Variants in CRISPLD2 observed in about 807,000 individuals in gnomAD.
CRISPLD2 encodes the protein cysteine rich secretory protein LCCL domain containing 2.
CRISPLD2 carries 47 observed loss-of-function variants against 71.1 expected under a neutral mutation model. The observed-to-expected ratio is 0.66, with a 90% CI of 0.52 to 0.84. CRISPLD2 has a LOEUF of 0.84. Ranked by LOEUF, CRISPLD2 falls within the 40% of genes least tolerant of loss-of-function variation. CRISPLD2 has a pLI of 0.00. For missense variants in CRISPLD2, 830 were observed against 651.1 expected (o/e 1.27, Z -2.99); for synonymous variants, 317 against 250.1 (o/e 1.27, Z -2.52).
At chr16:84,903,731 G>T (rs1340388159) in intron 14 of CRISPLD2, among the ~76,000 whole-genome samples, 6 of 152,224 alleles carry the variant, frequency 3.9e-5, no homozygotes, top group South Asian at 2.1e-4. Flanking sequence ...AAAGCAGGAT[G>T]CATGGGAAAT....
intron 8 of CRISPLD2, among the ~76,000 whole-genome samples, chr16:84,871,277 C>T (rs912514898): frequency 1.3e-5 from 2 of 152,084 alleles, no homozygotes; most frequent in Non-Finnish European, 2.9e-5. Flanking sequence ...CCTTGCAGGC[C>T]AGGCATGGTG....
intron 13 of CRISPLD2, among the ~76,000 whole-genome samples, chr16:84,881,926 G>C (rs189631995): frequency 4.6e-5 from 7 of 152,254 alleles, no homozygotes; most frequent in Admixed American, 2.0e-4. Context: ...GTCAGAGCAG[G>C]CTTCATGACT....
intron 14 of CRISPLD2, among the ~76,000 whole-genome samples, chr16:84,903,524 G>A (rs373706798): frequency 3.3e-5 from 5 of 150,912 alleles, no homozygotes; most frequent in Non-Finnish European, 5.9e-5. Flanking sequence ...CCTGGGAGGC[G>A]GCGGTTGCAA....
intron 8 of CRISPLD2, among the ~76,000 whole-genome samples, chr16:84,869,133 T>G (rs915442218): frequency 1.3e-5 from 2 of 152,252 alleles, no homozygotes; most frequent in African/African-American, 4.8e-5. Flanking sequence ...CTGAGCAGGC[T>G]GCTCCCAGTG....
intron 5 of CRISPLD2, among the ~76,000 whole-genome samples, chr16:84,852,548 T>G (rs1475160628): frequency 2.6e-5 from 4 of 152,218 alleles, no homozygotes; most frequent in Non-Finnish European, 4.4e-5. Flanking sequence ...TGCTGCATAT[T>G]ACTGCGTGCT....
At chr16:84,826,310 C>T (rs565691322) in intron 1 of CRISPLD2, among the ~76,000 whole-genome samples, 10 of 152,352 alleles carry the variant, frequency 6.6e-5, no homozygotes, top group Non-Finnish European at 1.2e-4. Context: ...ATTTGGAAGG[C>T]TTTCTTCCAG....
intron 14 of CRISPLD2, among the ~76,000 whole-genome samples, chr16:84,892,902 G>A (rs111559096): frequency 0.049 from 7,298 of 149,524 alleles, 222 homozygotes; most frequent in Non-Finnish European, 0.072. Context: ...CTTGAAACCA[G>A]GAGGCGGAGG....
intron 6 of CRISPLD2, among the ~76,000 whole-genome samples, chr16:84,860,968 C>T (rs903058228): frequency 5.3e-5 from 8 of 152,152 alleles, no homozygotes; most frequent in African/African-American, 9.7e-5. Context: ...TCACTTTGTC[C>T]GGTGAACTTA....
chr16:84,895,088 A>G (rs1344764048), intron 14 of CRISPLD2, among the ~76,000 whole-genome samples: 2 of 150,614 alleles, frequency 1.3e-5, no homozygotes, highest in Admixed American at 6.7e-5. Flanking sequence ...TCGTATTCCA[A>G]ACTTCCACCA....
In CRISPLD2 at chr16:84,906,651, C is replaced by G. The variant is rs376397982; in HGVS notation, c.*9C>G. The G allele has an allele frequency of 6.2e-7, 1 of 1,614,098 alleles. No individual in the cohort carries two copies. The highest frequency in any genetic ancestry group is 2.2e-5 in the East Asian group (1 of 44,880). ...TTGCTGTCAGGCAGTGAATTTCCAG[C>G]ACCAGGGGAGAAGGGGCGTCTTCAG... On this transcript the variant is annotated 3_prime_UTR_variant, in exon 15 of 15. Coordinates refer to ENST00000262424, the MANE Select transcript of CRISPLD2 (RefSeq NM_031476.4).
At chr16:84,847,078 C>T (rs1916934811) in intron 3 of CRISPLD2, among the ~76,000 whole-genome samples, 1 of 152,240 alleles carries the variant, frequency 6.6e-6, no homozygotes, top group Non-Finnish European at 1.5e-5. Context: ...TCCTCAGACC[C>T]ATCCAGGACC....
At chr16:84,887,646 G>A (rs1373693047) in intron 13 of CRISPLD2, among the ~76,000 whole-genome samples, 3 of 152,234 alleles carry the variant, frequency 2.0e-5, no homozygotes, top group Non-Finnish European at 4.4e-5. Flanking sequence ...GGAGGCCGAG[G>A]CGTGTGGATC....
chr16:84,883,127 A>G (rs945917591), intron 13 of CRISPLD2, among the ~76,000 whole-genome samples: 1 of 152,224 alleles, frequency 6.6e-6, no homozygotes, highest in Non-Finnish European at 1.5e-5. Context: ...CTCTTCAAAA[A>G]AAATAAAGAA....
Position 84,907,057 on chromosome 16 carries a change from G to C in CRISPLD2, c.*415G>C, listed in dbSNP as rs2071809278. On this transcript the variant is annotated 3_prime_UTR_variant, in exon 15 of 15. Transcript: ENST00000262424. ...TTGTGAAGCATTCACGGCGTCGGAA[G>C]AGGCCTTTTGAGCAAGCGCCAATGA... 4.7e-6 allele frequency: 1 copy of C among 212,262 alleles called. No homozygotes were observed. Among genetic ancestry groups the C allele is most frequent in the Non-Finnish European group, 9.6e-6 (1 of 104,638 alleles). The allele number at this position is 212,262 out of a possible 1,614,324, so 13.1% of individuals were successfully genotyped here.
chr16:84,883,091 T>C (rs1012260385), intron 13 of CRISPLD2, among the ~76,000 whole-genome samples: 1 of 152,124 alleles, frequency 6.6e-6, no homozygotes, highest in Non-Finnish European at 1.5e-5. Context: ...TAAATGAAGA[T>C]ACTGCAGTAC....
rs904795457 is a variant in CRISPLD2, at chr16:84,854,842, C to T, written c.709+13C>T. The T allele has an allele frequency of 4.4e-6, 7 of 1,593,644 alleles. No individual in the cohort carries two copies. In the South Asian group the frequency reaches 5.5e-5, roughly 13 times the overall value. On this transcript the variant is annotated intron_variant, in intron 6 of 14. Transcript: ENST00000262424. ...TTGTGTTACCGAGGTAGGAAATTTA[C>T]TCCCAACACTTTTGCAATGAATTTG...
chr16:84,874,815 A>G (rs2071503885), intron 11 of CRISPLD2, among the ~76,000 whole-genome samples: 1 of 152,232 alleles, frequency 6.6e-6, no homozygotes, highest in Admixed American at 6.5e-5. Flanking sequence ...ACCATCGTGA[A>G]CACTTTGGCA....
chr16:84,890,918 C>G (rs2071656466), intron 14 of CRISPLD2, among the ~76,000 whole-genome samples: 1 of 152,180 alleles, frequency 6.6e-6, no homozygotes, highest in South Asian at 2.1e-4. Context: ...AGGCATGCAC[C>G]ACCATGCCCG....
intron 6 of CRISPLD2, among the ~76,000 whole-genome samples, chr16:84,862,774 G>A (rs1917421871): frequency 6.6e-6 from 1 of 151,532 alleles, no homozygotes; most frequent in Non-Finnish European, 1.5e-5. Context: ...AGGGAAGGGT[G>A]GGGTAGATGT....
Sources: allele counts gnomAD v4.1 joint callset (sites outside exome capture counted in the v4.1 genomes callset), GRCh38; gene constraint gnomAD v4.1.1; transcripts MANE v1.5; gene names NCBI Gene and HGNC (gene_info 2026-07-23, HGNC 2026-07-21).